COLEC10: variants seen among roughly 807,000 people sequenced by gnomAD.
COLEC10 encodes the protein collectin-10.
A neutral mutation model predicts 28.4 loss-of-function variants in COLEC10; 22 were observed. The ratio of observed to expected loss-of-function variants is 0.78; its 90% CI spans 0.55 to 1.11. The LOEUF (loss-of-function observed/expected upper bound fraction) is 1.11. COLEC10 is among the 50% of genes least tolerant of loss of function. COLEC10 has a pLI of 0.00. For missense variants in COLEC10, 361 were observed against 344.1 expected (o/e 1.05, Z -0.39); for synonymous variants, 125 against 116.1 (o/e 1.08, Z -0.49).
chr8:119,071,643 T>C (rs532938078), intron 1 of COLEC10, among the ~76,000 whole-genome samples: 1 of 152,294 alleles, frequency 6.6e-6, no homozygotes, highest in Non-Finnish European at 1.5e-5. Context: ...TATTACTAAG[T>C]GAAAATATCT....
At chr8:118,962,288 T>C in the COLEC10 span, among the ~76,000 whole-genome samples, 1 of 152,190 alleles carries the variant, frequency 6.6e-6, no homozygotes, top group Non-Finnish European at 1.5e-5. Flanking sequence ...GGAGGAATAG[T>C]GTTCTCCTCT....
intron 2 of COLEC10, among the ~76,000 whole-genome samples, chr8:119,009,741 T>C (rs766536215): frequency 3.3e-5 from 5 of 150,760 alleles, no homozygotes; most frequent in Non-Finnish European, 5.9e-5. Flanking sequence ...TGCTCATCTA[T>C]AGATTAAGGA....
chr8:119,072,433 A>G (rs1348635195), intron 1 of COLEC10, among the ~76,000 whole-genome samples: 1 of 152,188 alleles, frequency 6.6e-6, no homozygotes, highest in Non-Finnish European at 1.5e-5. Context: ...AAAATACTTT[A>G]TTATCTCAAT....
chr8:118,957,067 G>A, the COLEC10 span, among the ~76,000 whole-genome samples: 3 of 152,182 alleles, frequency 2.0e-5, no homozygotes, highest in African/African-American at 7.2e-5. Context: ...CCAAAGAGGG[G>A]AGTGAAGTGC....
At chr8:119,013,467 A>C (rs1373603637) in intron 2 of COLEC10, among the ~76,000 whole-genome samples, 1 of 150,698 alleles carries the variant, frequency 6.6e-6, no homozygotes, top group East Asian at 1.9e-4. Flanking sequence ...TCTAGATTTC[A>C]ATTATATTCA....
chr8:119,043,734 A>G (rs150773681), intron 2 of COLEC10, among the ~76,000 whole-genome samples: 1 of 152,354 alleles, frequency 6.6e-6, no homozygotes, highest in East Asian at 1.9e-4. Flanking sequence ...ATATGAATAC[A>G]TGCAGATTCA....
In COLEC10 at chr8:119,083,494, G is replaced by A. The variant is rs563239210; in HGVS notation, c.149-6186G>A. On this transcript the variant is annotated intron_variant, in intron 1 of 5. Coordinates refer to ENST00000332843, the MANE Select transcript of COLEC10 (RefSeq NM_006438.5). ...GCAGAAAACTGTGGAGCTGTTAACT[G>A]AAGCCCAGGGAGTGGATACCAAGAA... 3.8e-4 allele frequency among the ~76,000 whole-genome samples: 58 copies of A among 152,244 alleles called. 1 individual carries two copies. Among genetic ancestry groups the A allele is most frequent in the Middle Eastern group, 6.8e-3 (2 of 294 alleles).
intron 1 of COLEC10, among the ~76,000 whole-genome samples, chr8:119,003,881 C>A (rs934783518): frequency 4.6e-5 from 7 of 151,936 alleles, no homozygotes; most frequent in African/African-American, 1.7e-4. Context: ...TAGTTTGGGG[C>A]CCCCAACTAT....
chr8:119,085,953 G>T (rs892730922), intron 1 of COLEC10, among the ~76,000 whole-genome samples: 4 of 151,986 alleles, frequency 2.6e-5, no homozygotes, highest in African/African-American at 7.2e-5. Context: ...CAGGAGAAAG[G>T]TTACTAACAA....
chr8:118,988,242 T>G, the COLEC10 span, among the ~76,000 whole-genome samples: 1 of 152,114 alleles, frequency 6.6e-6, no homozygotes, highest in Non-Finnish European at 1.5e-5. Flanking sequence ...TATTATCAGA[T>G]TCTCATCATG....
chr8:119,047,291 A>G (rs2130168018), intron 2 of COLEC10, among the ~76,000 whole-genome samples: 1 of 152,304 alleles, frequency 6.6e-6, no homozygotes, highest in South Asian at 2.1e-4. Flanking sequence ...CACATGGGTA[A>G]TGGATCAAGC....
chr8:119,078,989 GTACACACACA>G (rs1815310207), intron 1 of COLEC10, among the ~76,000 whole-genome samples: 1 of 109,960 alleles, frequency 9.1e-6, no homozygotes. Flanking sequence ...CTGGGAAAAC[GTACACACACA>G]CACACACACA....
chr8:118,984,420 A>G, the COLEC10 span, among the ~76,000 whole-genome samples: 1 of 152,054 alleles, frequency 6.6e-6, no homozygotes, highest in Middle Eastern at 3.2e-3. Flanking sequence ...TAATCTATAT[A>G]ACACACCCCC....
At chr8:119,089,614 C>A in intron 1 of COLEC10, 66 bp from the exon 2 acceptor site, 2 of 1,298,560 alleles carry the variant, frequency 1.5e-6, no homozygotes, top group Non-Finnish European at 1.1e-6. Flanking sequence ...TCCACCTTAC[C>A]CTGGGAGAAT....
chr8:119,037,637 T>A (rs1279084534), intron 2 of COLEC10, among the ~76,000 whole-genome samples: 1 of 152,084 alleles, frequency 6.6e-6, no homozygotes, highest in Non-Finnish European at 1.5e-5. Context: ...AGAACATGAG[T>A]GATGAGAGAA....
chr8:119,065,875 GAAAAGA>G (rs948734917), upstream of COLEC10, among the ~76,000 whole-genome samples: 9 of 150,342 alleles, frequency 6.0e-5, no homozygotes, highest in East Asian at 1.6e-3. Flanking sequence ...AAAGAAAAAA[GAAAAGA>G]AAAAGAAAAA....
At chr8:118,991,992 T>C (rs1813512802), upstream of COLEC10, among the ~76,000 whole-genome samples, 1 of 152,150 alleles carries the variant, frequency 6.6e-6, no homozygotes, top group Admixed American at 6.6e-5. Context: ...ACACAGTAAT[T>C]GACAGCATGA....
At chr8:119,014,339 G>A (rs1219249136) in intron 2 of COLEC10, among the ~76,000 whole-genome samples, 5 of 149,174 alleles carry the variant, frequency 3.4e-5, no homozygotes, top group Admixed American at 1.3e-4. Flanking sequence ...ATTTCGCAGG[G>A]TACAGCATTC....
chr8:119,011,410 T>C (rs77475392), intron 2 of COLEC10, among the ~76,000 whole-genome samples: 4,454 of 150,872 alleles, frequency 0.03, 193 homozygotes, highest in East Asian at 0.16. Flanking sequence ...GGTCAGGTAA[T>C]GCCAGTCCTC....
Sources: gnomAD v4.1 joint callset for allele counts (sites outside exome capture counted in the v4.1 genomes callset) on GRCh38, gnomAD v4.1.1 for gene constraint, MANE v1.5 for transcripts, NCBI Gene and HGNC (gene_info 2026-07-23, HGNC 2026-07-21) for gene names.